The following RIT2 variants were observed in gnomAD, a reference collection of about 807,000 sequenced individuals.
RIT2 encodes GTP-binding protein Rit2.
A neutral mutation model predicts 23.7 loss-of-function variants in RIT2; 24 were observed. The ratio of observed to expected loss-of-function variants is 1.01; its 90% confidence interval spans 0.73 to 1.43. The LOEUF (loss-of-function observed/expected upper bound fraction) is 1.43. Among genes scored for constraint, RIT2 ranks in the 40% most tolerant of loss-of-function variants. The probability of loss-of-function intolerance (pLI) is 0.00; values close to 1 mark genes in which losing one functional copy is unlikely to be tolerated. For missense variants in RIT2, 236 were observed against 266.9 expected, an observed-to-expected ratio of 0.88 and a Z score of 0.81; for synonymous variants, 107 against 91.1, an observed-to-expected ratio of 1.17 and a Z score of -0.99.
chr18:42,933,964 G>A (rs1033744662), intron 3 of RIT2, among the ~76,000 whole-genome samples: 1 of 145,274 alleles, frequency 6.9e-6, no homozygotes, highest in Non-Finnish European at 1.5e-5. Flanking sequence ...GTTGCAGTGA[G>A]CCGAGATCAC....
At chr18:42,903,862 AAATC>A (rs1434448282) in intron 4 of RIT2, among the ~76,000 whole-genome samples, 2 of 152,194 alleles carry the variant, frequency 1.3e-5, no homozygotes, top group African/African-American at 2.4e-5. Flanking sequence ...AAAAGCAAGC[AAATC>A]AATCAAAGTA....
intron 1 of RIT2, among the ~76,000 whole-genome samples, chr18:43,059,010 T>A (rs1912576984): frequency 6.6e-6 from 1 of 151,890 alleles, no homozygotes; most frequent in Non-Finnish European, 1.5e-5. Flanking sequence ...TAGCTGCTCT[T>A]CCCTACTGGC....
chr18:42,758,680 A>ATTTT (rs11371811), intron 4 of RIT2, among the ~76,000 whole-genome samples: 1 of 139,846 alleles, frequency 7.2e-6, no homozygotes, highest in Non-Finnish European at 1.5e-5. Context: ...CACCCGGCTA[A>ATTTT]TTTTTTTTTT....
Position 42,929,034 on chromosome 18 carries a change from G to GATATATATATATATATATATATATAT in RIT2, c.235-5272_235-5271insATATATATATATATATATATATATAT, listed in dbSNP as rs770619793. Among the ~76,000 whole-genome samples the GATATATATATATATATATATATATAT allele has an allele frequency of 1.6e-3, 159 of 96,862 alleles. 2 individuals carry two copies. Among genetic ancestry groups the GATATATATATATATATATATATATAT allele is most frequent in the Middle Eastern group, 5.8e-3 (1 of 172 alleles). The allele number at this position is 96,862 out of a possible 152,430, so 63.5% of individuals were successfully genotyped here. On this transcript the variant is annotated intron_variant, in intron 3 of 4. Coordinates refer to ENST00000326695, the MANE Select transcript of RIT2 (RefSeq NM_002930.4). ...ACATATACTAAAACTAAAATATGGA[G>GATATATATATATATATATATATATAT]ATATATATATATATATATATATATT...
intron 3 of RIT2, among the ~76,000 whole-genome samples, chr18:42,930,670 A>G (rs1909304711): frequency 6.6e-6 from 1 of 152,174 alleles, no homozygotes; most frequent in African/African-American, 2.4e-5. Flanking sequence ...TGTCCCATAC[A>G]GAGTTCTACT....
chr18:42,806,573 G>A (rs1344230012), intron 4 of RIT2, among the ~76,000 whole-genome samples: 4 of 152,270 alleles, frequency 2.6e-5, no homozygotes, highest in Admixed American at 1.3e-4. Flanking sequence ...GTGGCACTGC[G>A]TTGATTTGTG....
At chr18:42,778,295 G>T (rs1464801958) in intron 4 of RIT2, among the ~76,000 whole-genome samples, 1 of 152,204 alleles carries the variant, frequency 6.6e-6, no homozygotes, top group African/African-American at 2.4e-5. Context: ...GGCAGCTCCA[G>T]ATGGTGACTT....
At chr18:42,783,002 A>C (rs1168312448) in intron 4 of RIT2, among the ~76,000 whole-genome samples, 1 of 152,100 alleles carries the variant, frequency 6.6e-6, no homozygotes, top group Non-Finnish European at 1.5e-5. Context: ...ATGAGCAAAC[A>C]TATGCCAGTG....
chr18:42,812,482 C>A (rs569212293), intron 4 of RIT2, among the ~76,000 whole-genome samples: 41 of 152,256 alleles, frequency 2.7e-4, no homozygotes, highest in African/African-American at 9.1e-4. Flanking sequence ...GCATCTTTGG[C>A]TTGGAGAATT....
chr18:42,848,843 G>C lies in RIT2; in HGVS notation c.426+74729C>G, dbSNP rs201351854. On this transcript the variant is annotated intron_variant, in intron 4 of 4. Transcript: ENST00000326695. ...AGAATAGTTTGATGATTGAAGCAATGTTTTGGTGCTTGAAATTGTTTAATT... is the reference window on the plus strand; with the variant it reads ...AGAATAGTTTGATGATTGAAGCAATCTTTTGGTGCTTGAAATTGTTTAATT... 2.6e-5 allele frequency among the ~76,000 whole-genome samples: 4 copies of C among 152,246 alleles called. No individual in the cohort carries two copies. The East Asian group carries it at 7.7e-4, about 29-fold the overall frequency.
intron 1 of RIT2, among the ~76,000 whole-genome samples, chr18:43,063,962 C>T (rs141588250): frequency 9.9e-5 from 15 of 152,262 alleles, no homozygotes. Flanking sequence ...GTTAAAACTT[C>T]AATCACTGGT....
intron 1 of RIT2, among the ~76,000 whole-genome samples, chr18:43,039,422 C>T (rs1912073686): frequency 6.7e-6 from 1 of 149,736 alleles, no homozygotes; most frequent in Admixed American, 6.7e-5. Context: ...GATCTAAGCT[C>T]ACTGCAGGCC....
At chr18:43,014,903 T>A (rs1911437736) in intron 2 of RIT2, among the ~76,000 whole-genome samples, 1 of 151,772 alleles carries the variant, frequency 6.6e-6, no homozygotes, top group Non-Finnish European at 1.5e-5. Flanking sequence ...ATAACATGAA[T>A]AAATTTCACA....
intron 1 of RIT2, among the ~76,000 whole-genome samples, chr18:43,056,466 T>C (rs1357378372): frequency 1.3e-5 from 2 of 152,116 alleles, no homozygotes; most frequent in Admixed American, 1.3e-4. Flanking sequence ...AGCTGTTTTC[T>C]CCTAGGGAAA....
At chr18:43,043,258 A>G (rs1912169750) in intron 1 of RIT2, among the ~76,000 whole-genome samples, 1 of 152,180 alleles carries the variant, frequency 6.6e-6, no homozygotes, top group Non-Finnish European at 1.5e-5. Flanking sequence ...TGGTTAGGTT[A>G]CAGAGCAATA....
At chr18:42,925,165 C>T (rs576780826) in intron 3 of RIT2, among the ~76,000 whole-genome samples, 1 of 151,496 alleles carries the variant, frequency 6.6e-6, no homozygotes, top group South Asian at 2.1e-4. Flanking sequence ...TCAATCCTAA[C>T]TTTCACAATG....
At chr18:43,088,488 A>G (rs1464979402) in intron 1 of RIT2, among the ~76,000 whole-genome samples, 5 of 152,192 alleles carry the variant, frequency 3.3e-5, no homozygotes, top group African/African-American at 1.2e-4. Flanking sequence ...TTTTCCTCAC[A>G]GTAAAAAAAC....
chr18:43,045,324 T>A (rs1912221162), intron 1 of RIT2, among the ~76,000 whole-genome samples: 1 of 151,804 alleles, frequency 6.6e-6, no homozygotes, highest in Non-Finnish European at 1.5e-5. Flanking sequence ...GTCACAGGAG[T>A]TATTGTAGAT....
At chr18:42,849,283 T>C (rs984758729) in intron 4 of RIT2, among the ~76,000 whole-genome samples, 1 of 152,218 alleles carries the variant, frequency 6.6e-6, no homozygotes, top group African/African-American at 2.4e-5. Flanking sequence ...ATCTCTATTA[T>C]ATACCACCTA....
Sources: allele counts gnomAD v4.1 joint callset (sites outside exome capture counted in the v4.1 genomes callset), GRCh38; gene constraint gnomAD v4.1.1; transcripts MANE v1.5; gene names NCBI Gene and HGNC (gene_info 2026-07-23, HGNC 2026-07-21).